PRMT8: variants seen among roughly 807,000 people sequenced by gnomAD.
The protein encoded by PRMT8 is protein arginine N-methyltransferase 8.
PRMT8 carries 7 observed loss-of-function variants against 47.1 expected under a neutral mutation model. The observed-to-expected ratio is 0.15, with a 90% CI of 0.08 to 0.28. The LOEUF is 0.28. PRMT8 is among the 10% of genes least tolerant of loss of function. The pLI is 1.00. For synonymous variants in PRMT8, 188 were observed against 186.5 expected, an observed-to-expected ratio of 1.01 and a Z score of -0.07; for missense variants, 237 against 505.4, an observed-to-expected ratio of 0.47 and a Z score of 5.09.
In PRMT8 at chr12:3,469,969, A is replaced by T. The variant is rs184361828; in HGVS notation, c.49-70637A>T. On this transcript the variant is annotated intron_variant, in intron 1 of 9. Transcript: ENST00000452611. Reference sequence around the variant, plus strand: ...GCCGAGGAGCACACAGAGGACTGAGACGTGGTCCCTGCACTCTGGGGGGAA... The same window carrying T: ...GCCGAGGAGCACACAGAGGACTGAGTCGTGGTCCCTGCACTCTGGGGGGAA... Among the ~76,000 whole-genome samples, 107 of 152,326 alleles carry T rather than the reference A, an allele frequency of 7.0e-4. 3 individuals carry two copies. The East Asian group carries it at 0.02, about 28-fold the overall frequency.
chr12:3,482,459 A>G (rs1865284208), intron 1 of PRMT8, among the ~76,000 whole-genome samples: 1 of 152,216 alleles, frequency 6.6e-6, no homozygotes. Context: ...TCTGGGCAGT[A>G]TGTAAGCCCA....
rs564509833 is a variant in PRMT8 at position 3,558,203 on chromosome 12, GCT to G, written c.481+4492_481+4493del. 3.3e-3 allele frequency among the ~76,000 whole-genome samples: 500 copies of G among 151,944 alleles called. 5 individuals carry two copies. The highest frequency in any genetic ancestry group is 4.5e-3 in the Non-Finnish European group (308 of 67,970). ...AACCACACAGCCCCCTCATCATCCT[GCT>G]CTGTCTCACACCATAGGGCTCTCCC... is the stretch of plus-strand genomic sequence containing the variant. On this transcript the variant is annotated intron_variant, in intron 4 of 9. Coordinates refer to ENST00000382622, the MANE Select transcript of PRMT8 (RefSeq NM_019854.5).
At chr12:3,504,446 C>T (rs760419370) in intron 1 of PRMT8, among the ~76,000 whole-genome samples, 368 of 103,812 alleles carry the variant, frequency 3.5e-3, no homozygotes, top group Non-Finnish European at 5.3e-3. Context: ...TGCAGGTCTG[C>T]TGGAATACCC....
At chr12:3,586,271 C>T (rs554014140) in intron 8 of PRMT8, among the ~76,000 whole-genome samples, 2 of 152,092 alleles carry the variant, frequency 1.3e-5, no homozygotes, top group Non-Finnish European at 1.5e-5. Flanking sequence ...ATCAAGACAT[C>T]GGCTCTGGGC....
chr12:3,564,154 G>T lies in PRMT8; in HGVS notation c.482-4552G>T, dbSNP rs1366556274. 2.0e-5 allele frequency among the ~76,000 whole-genome samples: 3 copies of T among 152,206 alleles called. No homozygotes were observed. The highest frequency in any genetic ancestry group is 4.4e-5 in the Non-Finnish European group (3 of 68,042). On this transcript the variant is annotated intron_variant, in intron 4 of 9. Transcript: ENST00000382622. This position sits in a 1 kb window ranked among gnomAD's most constrained non-coding sequence, Gnocchi z 4.0. The stretch of plus-strand genomic sequence containing the variant: ...AAATAGGTGTATGAGCAAGGACCAA[G>T]GGAGTGGGGAGGGCGAGCGAAGGGC...
intron 1 of PRMT8, among the ~76,000 whole-genome samples, chr12:3,476,858 G>A (rs969578996): frequency 2.6e-5 from 4 of 152,184 alleles, no homozygotes; most frequent in East Asian, 1.9e-4. Context: ...ACTGGGCTTC[G>A]AGTCTGTCCA....
chr12:3,381,676 CTG>C (rs1488376584), intron 1 of PRMT8, among the ~76,000 whole-genome samples: 11 of 152,196 alleles, frequency 7.2e-5, no homozygotes, highest in African/African-American at 2.7e-4. Flanking sequence ...TTTGAGATAA[CTG>C]TGGTTTCATT....
At chr12:3,405,790 A>G (rs962043624) in intron 1 of PRMT8, among the ~76,000 whole-genome samples, 4 of 152,176 alleles carry the variant, frequency 2.6e-5, no homozygotes, top group African/African-American at 7.2e-5. Flanking sequence ...GTGGCTTTGC[A>G]GGGTATAGCT....
chr12:3,490,675 A>AGAGAGAGAGAGAGAGAGAGAGAGAGAGAG (rs1865374699), upstream of PRMT8, among the ~76,000 whole-genome samples: 4 of 121,084 alleles, frequency 3.3e-5, no homozygotes. Flanking sequence ...TTTGGGTACA[A>AGAGAGAGAGAGAGAGAGAGAGAGAGAGAG]AGAGAGAGAG....
At chr12:3,466,079 C>T (rs566150104) in intron 1 of PRMT8, among the ~76,000 whole-genome samples, 43 of 152,324 alleles carry the variant, frequency 2.8e-4, no homozygotes, top group Admixed American at 1.9e-3. Flanking sequence ...ACCCTCCCTG[C>T]ACCTGCTGTG....
intron 1 of PRMT8, among the ~76,000 whole-genome samples, chr12:3,424,466 C>G (rs1864580263): frequency 1.3e-5 from 2 of 152,042 alleles, no homozygotes; most frequent in South Asian, 2.1e-4. Flanking sequence ...AGCCTTTTTT[C>G]CAATTAAAAG....
At chr12:3,565,689 T>G (rs1453446371) in intron 4 of PRMT8, among the ~76,000 whole-genome samples, 1 of 152,232 alleles carries the variant, frequency 6.6e-6, no homozygotes, top group African/African-American at 2.4e-5. Context: ...TCTATCTGTC[T>G]TCTATATCGT....
intron 1 of PRMT8, among the ~76,000 whole-genome samples, chr12:3,425,380 T>G (rs1864593075): frequency 6.6e-6 from 1 of 152,260 alleles, no homozygotes; most frequent in Non-Finnish European, 1.5e-5. Context: ...AAACCCCGTC[T>G]AGTTGTTTAG....
At position 3,494,696 on chromosome 12, in the gene PRMT8, CTACT is replaced by C. The variant is rs914153086; in HGVS notation, c.75+3000_75+3003del. On this transcript the variant is annotated intron_variant, in intron 1 of 9. Transcript: ENST00000382622. Reference sequence around the variant, plus strand: ...GGAAGGGAGCAAGTGAAGAATAAAACTACTTACATTTTGACCAAAGCCTCCCTCC... The same window carrying C: ...GGAAGGGAGCAAGTGAAGAATAAAACTACATTTTGACCAAAGCCTCCCTCC... Among the ~76,000 whole-genome samples the C allele has an allele frequency of 5.6e-4, 85 of 152,332 alleles. 1 individual carries two copies. The highest frequency in any genetic ancestry group is 1.9e-3 in the African/African-American group (81 of 41,570).
intron 4 of PRMT8, among the ~76,000 whole-genome samples, chr12:3,560,147 C>A (rs1866607946): frequency 6.6e-6 from 1 of 152,226 alleles, no homozygotes; most frequent in Non-Finnish European, 1.5e-5. Flanking sequence ...GCTGCTGCAC[C>A]TGCTCACTCA....
intron 7 of PRMT8, among the ~76,000 whole-genome samples, chr12:3,582,341 C>T (rs890970687): frequency 4.6e-5 from 7 of 152,188 alleles, no homozygotes; most frequent in African/African-American, 1.7e-4. Context: ...TTCCACGTTC[C>T]CCAGCCAGAA....
intron 1 of PRMT8, among the ~76,000 whole-genome samples, chr12:3,451,806 C>G (rs1490301591): frequency 6.6e-6 from 1 of 152,222 alleles, no homozygotes; most frequent in Admixed American, 6.5e-5. Flanking sequence ...ACTGCCTTAA[C>G]TGGAGTGTCT....
chr12:3,542,594 C>T lies in PRMT8; in HGVS notation c.261+1803C>T, dbSNP rs768569095. Among the ~76,000 whole-genome samples the T allele has an allele frequency of 3.9e-5, 6 of 152,208 alleles. 1 individual carries two copies. The highest frequency in any genetic ancestry group is 8.8e-5 in the Non-Finnish European group (6 of 68,028). On this transcript the variant is annotated intron_variant, in intron 2 of 9. Coordinates refer to ENST00000382622, the MANE Select transcript of PRMT8 (RefSeq NM_019854.5). ...AGATTCTTGGGAAAAGAGAGCAGTT[C>T]CAGGGACCCCAAAATGTCTCCTCTT...
chr12:3,592,212 C>G lies in PRMT8; in HGVS notation c.980-19C>G. 1 of 1,550,384 alleles carries G rather than the reference C, an allele frequency of 6.5e-7. No individual in the cohort carries two copies. The highest frequency in any genetic ancestry group is 8.6e-7 in the Non-Finnish European group (1 of 1,156,452). ...CTCTGACTCTTTCTTCCCACCTCCC[C>G]TGTTCTCTCACCCCTCAGCCCCTGA... On this transcript the variant is annotated intron_variant, in intron 8 of 9. Transcript: ENST00000382622.
Sources: gnomAD v4.1 joint callset for allele counts (sites outside exome capture counted in the v4.1 genomes callset) on GRCh38, gnomAD v4.1.1 for gene constraint, Gnocchi (gnomAD v3.1) non-coding constraint, MANE v1.5 for transcripts, NCBI Gene and HGNC (gene_info 2026-07-23, HGNC 2026-07-21) for gene names.